The following SCHIP1 variants were observed in gnomAD, a reference collection of about 807,000 sequenced individuals.
SCHIP1 encodes schwannomin-interacting protein 1.
In SCHIP1, 8 loss-of-function variants were observed where a neutral mutation model predicts 29.7. That is an observed-to-expected ratio of 0.27 (90% CI 0.16 to 0.49). SCHIP1 has a LOEUF of 0.49. Among genes scored for constraint, SCHIP1 ranks in the 20% least tolerant of loss-of-function variants. The pLI is 0.99. For missense variants in SCHIP1, 193 were observed against 294.6 expected, an observed-to-expected ratio of 0.66 and a Z score of 2.52; for synonymous variants, 76 against 94.9, an observed-to-expected ratio of 0.80 and a Z score of 1.16.
At chr3:159,387,169 C>A in the SCHIP1 span, 1 of 186,162 alleles carries the variant, frequency 5.4e-6, no homozygotes, top group Non-Finnish European at 1.1e-5. Flanking sequence ...GGGTGATGGA[C>A]CCTCAGATGG....
the SCHIP1 span, among the ~76,000 whole-genome samples, chr3:159,582,789 C>T: frequency 2.5e-4 from 33 of 133,006 alleles, no homozygotes; most frequent in African/African-American, 7.7e-4. Flanking sequence ...TATATATATA[C>T]ACACACACAC....
At chr3:159,764,467 C>T in the SCHIP1 span, 19 of 1,594,814 alleles carry the variant, frequency 1.2e-5, no homozygotes, top group Non-Finnish European at 1.6e-5. This position sits in a 1 kb window ranked among gnomAD's most constrained non-coding sequence, Gnocchi z 6.1. Context: ...TGGGATGGAT[C>T]TAGGCAGTGA....
chr3:159,313,346 G>A, the SCHIP1 span, among the ~76,000 whole-genome samples: 2 of 152,060 alleles, frequency 1.3e-5, no homozygotes, highest in African/African-American at 4.8e-5. Context: ...CCTAAACTTG[G>A]GCACTTTCTG....
the SCHIP1 span, among the ~76,000 whole-genome samples, chr3:159,546,014 TTG>T: frequency 1.2e-4 from 18 of 152,062 alleles, no homozygotes; most frequent in African/African-American, 3.6e-4. Flanking sequence ...TATTTATTGT[TTG>T]TATGCTATTG....
chr3:159,817,983 A>T, the SCHIP1 span, among the ~76,000 whole-genome samples: 72 of 152,316 alleles, frequency 4.7e-4, no homozygotes, highest in African/African-American at 1.6e-3. Flanking sequence ...TATTTATCCA[A>T]TGGTGAGACA....
the SCHIP1 span, among the ~76,000 whole-genome samples, chr3:159,680,632 TTA>T: frequency 1.2e-5 from 1 of 85,052 alleles, no homozygotes; most frequent in South Asian, 2.8e-4. Flanking sequence ...AATATATATT[TTA>T]TATATTATAT....
the SCHIP1 span, among the ~76,000 whole-genome samples, chr3:159,555,026 CCACA>C: frequency 6.6e-6 from 1 of 152,110 alleles, no homozygotes; most frequent in Non-Finnish European, 1.5e-5. Flanking sequence ...GATACCAGCA[CCACA>C]CACACATATT....
chr3:159,663,095 T>G, the SCHIP1 span, among the ~76,000 whole-genome samples: 1 of 152,208 alleles, frequency 6.6e-6, no homozygotes, highest in African/African-American at 2.4e-5. Flanking sequence ...GAAGTGGGTT[T>G]TGTCACTCTG....
chr3:159,765,354 G>A, the SCHIP1 span: 3 of 535,564 alleles, frequency 5.6e-6, no homozygotes, highest in East Asian at 1.1e-4. Flanking sequence ...CGGAGAGGAA[G>A]GAGGAGCAGC....
At chr3:159,870,401 T>C (rs1419233292) in intron 2 of SCHIP1, among the ~76,000 whole-genome samples, 1 of 152,010 alleles carries the variant, frequency 6.6e-6, no homozygotes, top group Non-Finnish European at 1.5e-5. Context: ...CCCTCCCAGG[T>C]ATAACTTACA....
intron 1 of SCHIP1, chr3:159,845,839 A>G (rs1490060197): frequency 6.6e-6 from 1 of 152,178 alleles, no homozygotes; most frequent in African/African-American, 2.4e-5. Flanking sequence ...TCCCATCGTA[A>G]CCCCAGAGAT....
the SCHIP1 span, among the ~76,000 whole-genome samples, chr3:159,552,182 A>G: frequency 6.6e-6 from 1 of 151,740 alleles, no homozygotes; most frequent in African/African-American, 2.4e-5. Context: ...AGTAGCTGGG[A>G]TTACAGGTGC....
At chr3:159,317,873 G>C in the SCHIP1 span, among the ~76,000 whole-genome samples, 2 of 152,216 alleles carry the variant, frequency 1.3e-5, no homozygotes. Context: ...GTCTATTCCA[G>C]TGAGGACAAA....
chr3:159,877,684 T>A (rs1320251803), intron 2 of SCHIP1, among the ~76,000 whole-genome samples: 1 of 152,234 alleles, frequency 6.6e-6, no homozygotes, highest in Non-Finnish European at 1.5e-5. Flanking sequence ...TCATGTTTTT[T>A]ACCCAGTCCG....
chr3:159,751,751 T>G, the SCHIP1 span, among the ~76,000 whole-genome samples: 1 of 152,054 alleles, frequency 6.6e-6, no homozygotes, highest in African/African-American at 2.4e-5. Flanking sequence ...TTTCACAGTG[T>G]TAGCCAGGAT....
the SCHIP1 span, among the ~76,000 whole-genome samples, chr3:159,362,699 T>G: frequency 3.3e-5 from 5 of 152,144 alleles, no homozygotes; most frequent in Non-Finnish European, 4.4e-5. Flanking sequence ...AGGCCAGGAT[T>G]TCCCCCCCGG....
the SCHIP1 span, among the ~76,000 whole-genome samples, chr3:159,412,704 C>T: frequency 7.9e-5 from 12 of 152,192 alleles, no homozygotes; most frequent in African/African-American, 2.4e-4. Context: ...AGGCAAGAAC[C>T]TTTATGTTAA....
chr3:159,674,784 G>A, the SCHIP1 span, among the ~76,000 whole-genome samples: 3 of 152,086 alleles, frequency 2.0e-5, no homozygotes, highest in African/African-American at 7.2e-5. Flanking sequence ...TGACTCAGTC[G>A]TACCTGGACC....
the SCHIP1 span, among the ~76,000 whole-genome samples, chr3:159,623,487 A>T: frequency 6.6e-6 from 1 of 152,122 alleles, no homozygotes; most frequent in African/African-American, 2.4e-5. Context: ...TTAGCCGGGC[A>T]TGGTGGCGCA....
Sources: gnomAD v4.1 joint callset for allele counts (sites outside exome capture counted in the v4.1 genomes callset) on GRCh38, gnomAD v4.1.1 for gene constraint, Gnocchi (gnomAD v3.1) non-coding constraint, MANE v1.5 for transcripts, NCBI Gene and HGNC (gene_info 2026-07-23, HGNC 2026-07-21) for gene names.